Variants in GPD2 observed in about 807,000 individuals in gnomAD.
The protein encoded by GPD2 is glycerol-3-phosphate dehydrogenase 2.
GPD2 carries 54 observed loss-of-function variants against 82.4 expected under a neutral mutation model. The observed-to-expected ratio is 0.66, with a 90% CI of 0.53 to 0.82. The LOEUF is 0.82. GPD2 is among the 40% of genes least tolerant of loss of function. The probability of loss-of-function intolerance (pLI) is 0.00; values close to 1 mark genes in which losing one functional copy is unlikely to be tolerated. For missense variants in GPD2, 748 were observed against 896.2 expected (o/e 0.83, Z 2.11); for synonymous variants, 288 against 306.1 (o/e 0.94, Z 0.62).
the GPD2 span, among the ~76,000 whole-genome samples, chr2:156,404,225 T>C: frequency 1.3e-5 from 2 of 150,590 alleles, no homozygotes; most frequent in South Asian, 4.2e-4. Context: ...AATTAAAAAT[T>C]AAAAAAAAAT....
chr2:156,578,941 C>T lies in GPD2; in HGVS notation c.1820C>T (p.Ser607Phe). The T allele has an allele frequency of 6.2e-7, 1 of 1,612,326 alleles. No individual in the cohort carries two copies. Among genetic ancestry groups the T allele is most frequent in the Non-Finnish European group, 8.5e-7 (1 of 1,178,604 alleles). ...CTATATTATGAAATGGGCTATAAAT[C>T]TCGATCAGAACAGTTAACAGATCGC... Reference protein sequence around the residue: ...KFLYYEMGYKSRSEQLTDRSE... With the variant: ...KFLYYEMGYKFRSEQLTDRSE... The change falls in exon 14 of 17, where the codon TCT becomes TTT. Residue 607 changes from serine to phenylalanine, a missense_variant. By Grantham distance (155) the Ser-to-Phe change is radical. Transcript: ENST00000438166.
chr2:156,502,079 C>T (rs1025001989), intron 3 of GPD2, among the ~76,000 whole-genome samples: 4 of 146,600 alleles, frequency 2.7e-5, no homozygotes, highest in African/African-American at 5.0e-5. Flanking sequence ...TTGGGGTATC[C>T]ACTCCCCCCG....
At chr2:156,490,803 T>C (rs578053253) in intron 2 of GPD2, among the ~76,000 whole-genome samples, 2 of 152,330 alleles carry the variant, frequency 1.3e-5, no homozygotes, top group Admixed American at 1.3e-4. Context: ...ATTGTGAGGA[T>C]TAAATGAGTA....
At chr2:156,578,038 A>AT (rs1294385490) in intron 13 of GPD2, among the ~76,000 whole-genome samples, 2 of 152,180 alleles carry the variant, frequency 1.3e-5, no homozygotes, top group Non-Finnish European at 2.9e-5. Context: ...GTGTAGCATA[A>AT]TATATATATG....
chr2:156,427,226 T>A, the GPD2 span, among the ~76,000 whole-genome samples: 82 of 152,336 alleles, frequency 5.4e-4, no homozygotes, highest in Non-Finnish European at 9.0e-4. Flanking sequence ...AGCCACTTAC[T>A]GAAGATGCTT....
the GPD2 span, among the ~76,000 whole-genome samples, chr2:156,426,159 G>A: frequency 1.1e-4 from 17 of 152,200 alleles, no homozygotes; most frequent in Non-Finnish European, 2.4e-4. Context: ...TCCTGACCTC[G>A]TGATCCGCCC....
chr2:156,569,004 T>TTG, intron 10 of GPD2, 45 bp downstream of exon 10: 1 of 1,525,544 alleles, frequency 6.6e-7, no homozygotes, highest in Non-Finnish European at 9.0e-7. Flanking sequence ...TTTTTTTTTT[T>TTG]TTGTTATAGG....
At chr2:156,508,261 G>C (rs555141716) in intron 3 of GPD2, among the ~76,000 whole-genome samples, 4 of 151,952 alleles carry the variant, frequency 2.6e-5, no homozygotes, top group South Asian at 4.2e-4. Flanking sequence ...GCCTCCCTTT[G>C]TTCCTTAACT....
chr2:156,570,011 C>T, intron 11 of GPD2, 76 bp from the exon 12 acceptor site: 2 of 1,211,912 alleles, frequency 1.7e-6, no homozygotes, highest in East Asian at 4.7e-5. Flanking sequence ...ACAAGATAAG[C>T]ATGTGTGCTT....
chr2:156,559,649 A>T (rs1448697897), intron 9 of GPD2, among the ~76,000 whole-genome samples: 1 of 152,214 alleles, frequency 6.6e-6, no homozygotes. Flanking sequence ...AATTGCTTTT[A>T]ATCTAAAGTA....
chr2:156,409,186 A>G, the GPD2 span, among the ~76,000 whole-genome samples: 216 of 152,334 alleles, frequency 1.4e-3, no homozygotes, highest in Non-Finnish European at 2.5e-3. Flanking sequence ...AACTGAGACA[A>G]TAAATTTCTA....
chr2:156,432,163 C>T (rs1316518451), upstream of GPD2, among the ~76,000 whole-genome samples: 2 of 152,306 alleles, frequency 1.3e-5, no homozygotes, highest in Middle Eastern at 3.4e-3. Context: ...GCTGGGATTA[C>T]AGGCATGAGC....
intron 16 of GPD2, among the ~76,000 whole-genome samples, chr2:156,582,176 G>A (rs376821269): frequency 7.2e-5 from 11 of 151,902 alleles, no homozygotes; most frequent in Non-Finnish European, 1.3e-4. Context: ...GCCTTTGCCC[G>A]CTGCCTGCAT....
intron 3 of GPD2, among the ~76,000 whole-genome samples, chr2:156,498,870 CAG>C (rs907021397): frequency 3.3e-5 from 5 of 152,002 alleles, no homozygotes; most frequent in Admixed American, 6.6e-5. Flanking sequence ...TCTGTAGACT[CAG>C]GGGAGAAAAG....
At chr2:156,507,957 T>C (rs1684846775) in intron 3 of GPD2, among the ~76,000 whole-genome samples, 1 of 152,148 alleles carries the variant, frequency 6.6e-6, no homozygotes. Flanking sequence ...CACGTACTTC[T>C]CTGTAGACTT....
rs575412740 is a variant in GPD2, at chr2:156,513,042, T to C, written c.498-291T>C. Among the ~76,000 whole-genome samples the C allele has an allele frequency of 1.1e-3, 163 of 152,312 alleles. 3 individuals carry two copies. In the South Asian group the frequency reaches 0.023, roughly 21 times the overall value. ...TAGTCTAGTTAAATCAGTTTCTGGA[T>C]GTATGAGGCTTAGGCATCAGTATTT... On this transcript the variant is annotated intron_variant, in intron 5 of 16. Coordinates refer to ENST00000438166, the MANE Select transcript of GPD2 (RefSeq NM_000408.5).
intron 9 of GPD2, among the ~76,000 whole-genome samples, chr2:156,560,202 G>A (rs1687116954): frequency 6.6e-6 from 1 of 152,176 alleles, no homozygotes; most frequent in African/African-American, 2.4e-5. Flanking sequence ...TGCCCATATT[G>A]TGGGTGGGGA....
At chr2:156,495,525 T>C (rs533402878) in intron 2 of GPD2, 1 of 380,352 alleles carries the variant, frequency 2.6e-6, no homozygotes, top group Non-Finnish European at 5.4e-6. Flanking sequence ...TTCTTTTTAA[T>C]TGTACTGACT....
In GPD2 at chr2:156,569,536, G is replaced by A. The variant is rs146075516; in HGVS notation, c.1474G>A (p.Glu492Lys). 1.5e-4 allele frequency: 240 copies of A among 1,610,158 alleles called. No homozygotes were observed. The highest frequency in any genetic ancestry group is 1.9e-4 in the Non-Finnish European group (222 of 1,176,736). ...RLVQDYGLES[E>K]VAQHLAATYG... ...TGTGCAGGATTATGGACTTGAAAGC[G>A]AGGTGAGTGTGCATTGCCACATCAT... is the stretch of plus-strand genomic sequence containing the variant. Residue 492 changes from glutamate to lysine, a missense_variant and splice_region_variant, in exon 11 of 17, where the codon GAG (glutamate) becomes AAG (lysine). This residue lies in a region of GPD2 where 692 missense variants were observed against 809.7 expected (regional missense o/e 0.85). Coordinates refer to ENST00000438166, the MANE Select transcript of GPD2 (RefSeq NM_000408.5).
Sources: gnomAD v4.1 joint callset for allele counts (sites outside exome capture counted in the v4.1 genomes callset) on GRCh38, gnomAD v4.1.1 for gene constraint, gnomAD v4.1.1 regional missense constraint, MANE v1.5 for transcripts, NCBI Gene and HGNC (gene_info 2026-07-23, HGNC 2026-07-21) for gene names.